SERGEF: variants seen among roughly 807,000 people sequenced by gnomAD.
SERGEF encodes secretion-regulating guanine nucleotide exchange factor.
In SERGEF, 51 loss-of-function variants were observed where a neutral mutation model predicts 50.0. That is an observed-to-expected ratio of 1.02 (90% CI 0.81 to 1.29). The LOEUF (loss-of-function observed/expected upper bound fraction) is 1.29. Ranked by LOEUF, SERGEF falls within the 50% of genes most tolerant of loss-of-function variation. SERGEF has a pLI of 0.00. For missense variants in SERGEF, 521 were observed against 557.0 expected (o/e 0.94, Z 0.65); for synonymous variants, 205 against 212.4 (o/e 0.97, Z 0.30).
intron 5 of SERGEF, among the ~76,000 whole-genome samples, chr11:17,998,357 C>T (rs1334864067): frequency 6.7e-6 from 1 of 149,986 alleles, no homozygotes; most frequent in Admixed American, 6.7e-5. Context: ...TTTGAGGTCG[C>T]AGTGAACCAT....
At chr11:17,947,904 C>G (rs755118370) in intron 9 of SERGEF, among the ~76,000 whole-genome samples, 4 of 151,412 alleles carry the variant, frequency 2.6e-5, no homozygotes, top group Non-Finnish European at 4.4e-5. Context: ...CAGGAACTAA[C>G]ATTATTATTA....
At chr11:17,867,211 A>C (rs1357938712) in intron 10 of SERGEF, among the ~76,000 whole-genome samples, 1 of 152,254 alleles carries the variant, frequency 6.6e-6, no homozygotes. Context: ...CCTTCTGCCT[A>C]TGAGCCTGTA....
At chr11:17,839,706 A>G (rs1328754988) in intron 10 of SERGEF, among the ~76,000 whole-genome samples, 1 of 152,184 alleles carries the variant, frequency 6.6e-6, no homozygotes, top group East Asian at 1.9e-4. Flanking sequence ...CCACGCGCAC[A>G]TGCCACAGGG....
rs1854234419 is a variant in SERGEF, at chr11:18,013,007, C to T, written c.4G>A (p.Glu2Lys). The change falls in exon 1 of 11, where the codon GAG (glutamate) becomes AAG (lysine). Residue 2 changes from glutamate to lysine, a missense_variant. Coordinates refer to ENST00000265965, the MANE Select transcript of SERGEF (RefSeq NM_012139.4). The surrounding 1 kb of genome is among the most constrained non-coding windows in gnomAD (Gnocchi z 4.3). The part of the protein sequence containing the change: M[E>K]REPSASEAAP... ...GCCTCCGAGGCGCTGGGCTCGCGCT[C>T]CATGCGAGGACGCTCCGCCGGCGCT... 2 of 1,426,234 alleles carry T rather than the reference C, an allele frequency of 1.4e-6. No homozygotes were observed. The highest frequency in any genetic ancestry group is 1.4e-5 in the South Asian group (1 of 68,982). The allele number at this position is 1,426,234 out of a possible 1,614,324, so 88.3% of individuals were successfully genotyped here.
At chr11:17,910,501 G>A (rs780212497) in intron 9 of SERGEF, among the ~76,000 whole-genome samples, 7 of 152,214 alleles carry the variant, frequency 4.6e-5, no homozygotes, top group Middle Eastern at 3.4e-3. Flanking sequence ...ATTCTCTCCC[G>A]CTTTAGTCTC....
chr11:17,964,868 A>G (rs79398563), intron 8 of SERGEF, among the ~76,000 whole-genome samples: 2,762 of 152,340 alleles, frequency 0.018, 37 homozygotes, highest in Non-Finnish European at 0.029. Flanking sequence ...TAAAAAGGAC[A>G]TTTGATGATA....
chr11:18,005,966 C>T (rs1315504235), intron 3 of SERGEF, among the ~76,000 whole-genome samples: 1 of 152,244 alleles, frequency 6.6e-6, no homozygotes, highest in Non-Finnish European at 1.5e-5. Context: ...CACTGGCCAG[C>T]TACCCCAAGC....
intron 7 of SERGEF, among the ~76,000 whole-genome samples, chr11:17,990,499 A>G (rs1204641059): frequency 2.0e-5 from 3 of 152,210 alleles, no homozygotes; most frequent in African/African-American, 7.2e-5. Context: ...CAATCCATTA[A>G]GTGGACTGCT....
chr11:17,956,974 T>C (rs1226804676), intron 9 of SERGEF, among the ~76,000 whole-genome samples: 2 of 152,180 alleles, frequency 1.3e-5, no homozygotes, highest in Non-Finnish European at 2.9e-5. Context: ...AGCAAATACA[T>C]GCCTAGCAGG....
chr11:17,903,181 T>TG (rs1330575826), intron 9 of SERGEF, among the ~76,000 whole-genome samples: 1 of 152,194 alleles, frequency 6.6e-6, no homozygotes, highest in African/African-American at 2.4e-5. Context: ...AGCTCTAAGA[T>TG]AGATAATTCA....
chr11:17,994,165 T>TG (rs1185725678), intron 6 of SERGEF, among the ~76,000 whole-genome samples: 1 of 152,130 alleles, frequency 6.6e-6, no homozygotes, highest in Non-Finnish European at 1.5e-5. Flanking sequence ...GTGAAGTTAA[T>TG]GCAGTGAACA....
chr11:17,833,167 G>C lies in SERGEF; in HGVS notation c.1049-44754C>G, dbSNP rs1364445070. Reference sequence around the variant, plus strand: ...GAGGAAAATATTATTTTGTGGGCTGGGAGCAGGGTCCCTGTGCTGTGTGCA... The same window carrying C: ...GAGGAAAATATTATTTTGTGGGCTGCGAGCAGGGTCCCTGTGCTGTGTGCA... On this transcript the variant is annotated intron_variant, in intron 10 of 10. Coordinates refer to ENST00000265965, the MANE Select transcript of SERGEF (RefSeq NM_012139.4). 4.6e-5 allele frequency among the ~76,000 whole-genome samples: 7 copies of C among 152,162 alleles called. No homozygotes were observed. In the South Asian group the frequency reaches 6.2e-4, roughly 14 times the overall value.
chr11:18,005,407 G>A (rs1157146290), intron 3 of SERGEF, among the ~76,000 whole-genome samples: 1 of 152,188 alleles, frequency 6.6e-6, no homozygotes, highest in Non-Finnish European at 1.5e-5. Context: ...GGTCCAGACA[G>A]ACAGAAGAAC....
intron 9 of SERGEF, among the ~76,000 whole-genome samples, chr11:17,895,572 T>C (rs1277816978): frequency 1.3e-5 from 2 of 152,202 alleles, no homozygotes; most frequent in Admixed American, 1.3e-4. Context: ...TCTACTGACA[T>C]GACTGCAACT....
intron 1 of SERGEF, among the ~76,000 whole-genome samples, chr11:18,012,287 G>C (rs1252570310): frequency 6.6e-6 from 1 of 152,196 alleles, no homozygotes; most frequent in African/African-American, 2.4e-5. Context: ...GCGACTGCTT[G>C]TTCCCGTGCA....
intron 9 of SERGEF, among the ~76,000 whole-genome samples, chr11:17,912,475 T>C (rs889803681): frequency 7.9e-5 from 12 of 152,190 alleles, no homozygotes; most frequent in Non-Finnish European, 1.6e-4. Flanking sequence ...GGAAGCTGGG[T>C]GAAGCGTATA....
At chr11:17,935,378 A>G (rs990321644) in intron 9 of SERGEF, among the ~76,000 whole-genome samples, 6 of 152,148 alleles carry the variant, frequency 3.9e-5, no homozygotes, top group African/African-American at 9.7e-5. Context: ...TGAGATGGGA[A>G]GATCTGCTTG....
At chr11:17,906,918 G>A (rs761492014) in intron 9 of SERGEF, among the ~76,000 whole-genome samples, 3 of 151,278 alleles carry the variant, frequency 2.0e-5, no homozygotes, top group Non-Finnish European at 4.4e-5. Context: ...TTTAAAGAAT[G>A]ATTCTGCTCA....
In SERGEF at chr11:17,995,893, G is replaced by C. The variant is rs1432678534; in HGVS notation, c.525C>G (p.Phe175Leu). 1 of 1,613,246 alleles carries C rather than the reference G, an allele frequency of 6.2e-7. No individual in the cohort carries two copies. The highest frequency in any genetic ancestry group is 1.7e-5 in the Admixed American group (1 of 59,978). Residue 175 changes from phenylalanine (F) to leucine (L), a missense_variant, in exon 6 of 11, where the codon TTC (phenylalanine) becomes TTG (leucine). Physicochemically the swap from Phe to Leu is conservative, Grantham distance 22. Coordinates refer to ENST00000265965, the MANE Select transcript of SERGEF (RefSeq NM_012139.4). The part of the protein sequence containing the change: ...AVAATASGIV[F>L]QWGTGLASCG... Reference sequence around the variant, plus strand: ...ATGATGCCAAACCAGTCCCCCACTGGAACACGATGCCACTCGCTTCCCAAC... The same window carrying C: ...ATGATGCCAAACCAGTCCCCCACTGCAACACGATGCCACTCGCTTCCCAAC...
Sources: gnomAD v4.1 joint callset for allele counts (sites outside exome capture counted in the v4.1 genomes callset) on GRCh38, gnomAD v4.1.1 for gene constraint, Gnocchi (gnomAD v3.1) non-coding constraint, MANE v1.5 for transcripts, NCBI Gene and HGNC (gene_info 2026-07-23, HGNC 2026-07-21) for gene names.